VPS37A: variants seen among roughly 807,000 people sequenced by gnomAD.
VPS37A encodes vacuolar protein sorting-associated protein 37A.
VPS37A carries 30 observed loss-of-function variants against 49.8 expected under a neutral mutation model. The observed-to-expected ratio is 0.60, with a 90% confidence interval of 0.45 to 0.82. VPS37A has a LOEUF of 0.82. VPS37A is among the 40% of genes least tolerant of loss of function. The probability of loss-of-function intolerance (pLI) is 0.00; values close to 1 mark genes in which losing one functional copy is unlikely to be tolerated. For missense variants in VPS37A, 593 were observed against 464.4 expected (o/e 1.28, Z -2.55); for synonymous variants, 195 against 160.6 (o/e 1.21, Z -1.62).
At chr8:17,275,422 T>G (rs913047096) in intron 5 of VPS37A, among the ~76,000 whole-genome samples, 3 of 152,192 alleles carry the variant, frequency 2.0e-5, no homozygotes, top group South Asian at 2.1e-4. Flanking sequence ...AAGGCATTCT[T>G]TGAGAGGCAG....
chr8:17,313,158 G>T, the VPS37A span: 1 of 558,894 alleles, frequency 1.8e-6, no homozygotes, highest in Non-Finnish European at 3.2e-6. Context: ...ACAGACTACG[G>T]AGCTCTACAA....
rs1226356448 is a variant in VPS37A, at chr8:17,273,022, CCTTT to C, written c.417-1710_417-1707del. Among the ~76,000 whole-genome samples the C allele has an allele frequency of 5.0e-5, 4 of 80,176 alleles. No homozygotes were observed. The East Asian group carries it at 1.6e-3, about 33-fold the overall frequency. 52.6% of individuals were successfully genotyped at this position (80,176 alleles called of 152,430 possible). A position where few individuals can be genotyped will look rare whatever the true frequency, so the allele number is the denominator to read the frequency against. On this transcript the variant is annotated intron_variant, in intron 4 of 11. Transcript: ENST00000324849. ...ATGAATGGTAGCATATTTTGCCCTT[CCTTT>C]TTTTTTTTTTTTTTTTTTTTTTGGT...
intron 1 of VPS37A, among the ~76,000 whole-genome samples, chr8:17,255,052 A>G (rs1476896509): frequency 6.6e-6 from 1 of 152,236 alleles, no homozygotes; most frequent in Admixed American, 6.5e-5. Context: ...CTGTATGCTC[A>G]TTCAGAGCAC....
At chr8:17,320,666 C>A in the VPS37A span, among the ~76,000 whole-genome samples, 1 of 152,166 alleles carries the variant, frequency 6.6e-6, no homozygotes, top group Non-Finnish European at 1.5e-5. Flanking sequence ...AAGTGCCAGC[C>A]CCGAGTTAAA....
chr8:17,275,318 A>T (rs1051939105), intron 5 of VPS37A, among the ~76,000 whole-genome samples: 9 of 152,178 alleles, frequency 5.9e-5, no homozygotes, highest in Non-Finnish European at 1.3e-4. Context: ...GGTACTCTTT[A>T]AAAATGAGGC....
chr8:17,282,031 T>A (rs945118639), intron 9 of VPS37A, among the ~76,000 whole-genome samples: 6 of 152,078 alleles, frequency 3.9e-5, no homozygotes, highest in Non-Finnish European at 8.8e-5. Context: ...TTTTTTATCT[T>A]AACAGTTTAT....
chr8:17,317,192 A>C, the VPS37A span, among the ~76,000 whole-genome samples: 2 of 152,208 alleles, frequency 1.3e-5, no homozygotes, highest in East Asian at 1.9e-4. Context: ...GTTTTCTGCT[A>C]ATTTTTGCCT....
At position 17,265,898 on chromosome 8, in the gene VPS37A, C is replaced by T. The variant is rs1298419458; in HGVS notation, c.126-9C>T. The T allele has an allele frequency of 1.9e-6, 3 of 1,613,090 alleles. No homozygotes were observed. In the African/African-American group the frequency reaches 4.0e-5, roughly 22 times the overall value. On this transcript the variant is annotated splice_polypyrimidine_tract_variant and intron_variant, in intron 1 of 11. Transcript: ENST00000324849. ...CTTTGGGTAAATTTTTTAAAATTTT[C>T]TCCTGCAGTATAGCCGAAATACAGA...
downstream of VPS37A, among the ~76,000 whole-genome samples, chr8:17,304,843 A>G (rs907971728): frequency 1.4e-4 from 22 of 151,806 alleles, no homozygotes; most frequent in African/African-American, 5.1e-4. Flanking sequence ...ACACTATTCT[A>G]AATGTTCCAC....
At chr8:17,304,045 C>G (rs188651524), downstream of VPS37A, among the ~76,000 whole-genome samples, 1 of 152,196 alleles carries the variant, frequency 6.6e-6, no homozygotes, top group African/African-American at 2.4e-5. Flanking sequence ...GTCATGATCA[C>G]TGTTGAAACT....
chr8:17,268,498 A>G (rs1813678941), intron 3 of VPS37A, 126 bp downstream of exon 3: 1 of 691,056 alleles, frequency 1.4e-6, no homozygotes, highest in African/African-American at 1.8e-5. Context: ...TTAAAAATTG[A>G]ATATTTAAGA....
chr8:17,315,607 C>A, the VPS37A span, among the ~76,000 whole-genome samples: 1 of 152,116 alleles, frequency 6.6e-6, no homozygotes, highest in African/African-American at 2.4e-5. Context: ...CTCAATTTTG[C>A]TGTGAATCTA....
At chr8:17,273,575 C>G (rs983414352) in intron 4 of VPS37A, among the ~76,000 whole-genome samples, 4 of 152,082 alleles carry the variant, frequency 2.6e-5, no homozygotes, top group Non-Finnish European at 4.4e-5. Context: ...ACCGTGTTAG[C>G]CAGGATGGTC....
chr8:17,315,235 T>C, the VPS37A span, among the ~76,000 whole-genome samples: 8 of 152,244 alleles, frequency 5.3e-5, no homozygotes, highest in African/African-American at 1.4e-4. Context: ...AAGCCAACTT[T>C]TCCTTGAAAA....
At chr8:17,287,552 C>G (rs917237176) in intron 11 of VPS37A, among the ~76,000 whole-genome samples, 1 of 151,968 alleles carries the variant, frequency 6.6e-6, no homozygotes, top group East Asian at 1.9e-4. Context: ...GTGGCAGGCA[C>G]CTGTAGTCTC....
At chr8:17,276,599 G>C in intron 6 of VPS37A, 132 bp downstream of exon 6, 1 of 879,636 alleles carries the variant, frequency 1.1e-6, no homozygotes, top group East Asian at 2.8e-5. Flanking sequence ...TGTTGCCTTA[G>C]TGGGATTTAA....
chr8:17,311,199 A>G, the VPS37A span, among the ~76,000 whole-genome samples: 1 of 152,224 alleles, frequency 6.6e-6, no homozygotes, highest in Non-Finnish European at 1.5e-5. Context: ...CAAACTTGAA[A>G]TACTTATGAG....
Position 17,274,875 on chromosome 8 carries a change from A to T in VPS37A, c.559A>T (p.Thr187Ser). Reference protein sequence around the residue: ...DTVSSSTTSHTTAKPAAPSFG... With the variant: ...DTVSSSTTSHSTAKPAAPSFG... ...TGTTTCTTCTTCAACAACAAGTCAT[A>T]CCACAGCCAAGCCTGCCGCTCCTTC... Residue 187 changes from threonine (T) to serine (S), a missense_variant, in exon 5 of 12, where the codon ACC (threonine) becomes TCC (serine). Thr to Ser is a moderately conservative substitution (Grantham distance 58). Transcript: ENST00000324849. 1 of 1,614,116 alleles carries T rather than the reference A, an allele frequency of 6.2e-7. No homozygotes were observed. Among genetic ancestry groups the T allele is most frequent in the South Asian group, 1.1e-5 (1 of 91,078 alleles).
At chr8:17,325,153 A>AGAGAG in the VPS37A span, among the ~76,000 whole-genome samples, 12 of 151,972 alleles carry the variant, frequency 7.9e-5, no homozygotes, top group Non-Finnish European at 1.8e-4. Flanking sequence ...CTCTCCAAGC[A>AGAGAG]GAGAGAACTA....
Sources: gnomAD v4.1 joint callset for allele counts (sites outside exome capture counted in the v4.1 genomes callset) on GRCh38, gnomAD v4.1.1 for gene constraint, MANE v1.5 for transcripts, NCBI Gene and HGNC (gene_info 2026-07-23, HGNC 2026-07-21) for gene names.